The following CTNNA1 variants were observed in gnomAD, a reference collection of about 807,000 sequenced individuals.
CTNNA1 encodes catenin alpha-1.
CTNNA1 carries 37 observed loss-of-function variants against 98.4 expected under a neutral mutation model. That is an observed-to-expected ratio of 0.38 (90% CI 0.29 to 0.49). The LOEUF (loss-of-function observed/expected upper bound fraction) is 0.49. CTNNA1 is among the 20% of genes least tolerant of loss of function. The pLI is 0.95. For synonymous variants in CTNNA1, 404 were observed against 413.2 expected, an observed-to-expected ratio of 0.98 and a Z score of 0.27; for missense variants, 761 against 1,147.2, an observed-to-expected ratio of 0.66 and a Z score of 4.86.
intron 1 of CTNNA1, among the ~76,000 whole-genome samples, chr5:138,777,500 G>A (rs2149632649): frequency 6.6e-6 from 1 of 152,128 alleles, no homozygotes; most frequent in East Asian, 1.9e-4. Flanking sequence ...GGGAGGCCAA[G>A]GCAGGCGGCT....
At chr5:138,800,281 A>G (rs1199527874) in intron 3 of CTNNA1, among the ~76,000 whole-genome samples, 2 of 152,236 alleles carry the variant, frequency 1.3e-5, no homozygotes, top group African/African-American at 2.4e-5. Context: ...CAGGGCTGCT[A>G]TAAGAAAGGC....
At chr5:138,857,488 AT>A (rs199901766) in intron 7 of CTNNA1, among the ~76,000 whole-genome samples, 1 of 151,826 alleles carries the variant, frequency 6.6e-6, no homozygotes, top group Non-Finnish European at 1.5e-5. Flanking sequence ...AAAAAAAAAA[AT>A]TTTTTTAAAT....
At chr5:138,807,760 TA>T (rs1321358495) in intron 3 of CTNNA1, among the ~76,000 whole-genome samples, 3 of 152,096 alleles carry the variant, frequency 2.0e-5, no homozygotes, top group African/African-American at 7.2e-5. Context: ...TATATATATA[TA>T]TTTGAGATGG....
intron 9 of CTNNA1, among the ~76,000 whole-genome samples, chr5:138,900,539 C>T (rs904576217): frequency 9.2e-5 from 14 of 152,056 alleles, no homozygotes; most frequent in African/African-American, 3.1e-4. Flanking sequence ...AATCATAAAT[C>T]TATGTATAAT....
At chr5:138,835,455 A>G (rs1036575059) in intron 7 of CTNNA1, among the ~76,000 whole-genome samples, 16 of 152,292 alleles carry the variant, frequency 1.1e-4, no homozygotes, top group African/African-American at 3.6e-4. Flanking sequence ...AGTAGTCCAT[A>G]GTTCTGTAGA....
intron 1 of CTNNA1, among the ~76,000 whole-genome samples, chr5:138,756,384 C>CT (rs1440489644): frequency 3.3e-5 from 5 of 152,002 alleles, no homozygotes; most frequent in East Asian, 1.9e-4. Context: ...TGAGTCTGGT[C>CT]TTTAACTCCT....
chr5:138,865,927 T>C lies in CTNNA1; in HGVS notation c.1063-20285T>C, dbSNP rs568136643. On this transcript the variant is annotated intron_variant, in intron 7 of 17. Transcript: ENST00000302763. ...GTACTGAGCAGTTGCCCTCCATGTA[T>C]TTGACAGCGAGGCAATGGGAAATGT... Among the ~76,000 whole-genome samples the C allele has an allele frequency of 1.4e-4, 21 of 152,330 alleles. No homozygotes were observed. In the South Asian group the frequency reaches 4.3e-3, roughly 32 times the overall value.
chr5:138,897,139 T>C, intron 9 of CTNNA1, among the ~76,000 whole-genome samples: 1 of 152,130 alleles, frequency 6.6e-6, no homozygotes, highest in East Asian at 1.9e-4. Flanking sequence ...CCAAAATCCT[T>C]TCCCCTCAGC....
Position 138,878,439 on chromosome 5 carries a change from C to T in CTNNA1, c.1063-7773C>T, listed in dbSNP as rs114964347. Among the ~76,000 whole-genome samples, 375 of 152,316 alleles carry T rather than the reference C, an allele frequency of 2.5e-3. 1 individual carries two copies. Among genetic ancestry groups the T allele is most frequent in the African/African-American group, 7.7e-3 (320 of 41,568 alleles). ...GCAGCTTTTTTCCGCAAACATATGA[C>T]TTTGACTTAAAGTGGCAATACTACT... On this transcript the variant is annotated intron_variant, in intron 7 of 17. Coordinates refer to ENST00000302763, the MANE Select transcript of CTNNA1 (RefSeq NM_001903.5).
At chr5:138,779,014 G>C (rs1039148272) in intron 1 of CTNNA1, among the ~76,000 whole-genome samples, 4 of 151,990 alleles carry the variant, frequency 2.6e-5, no homozygotes, top group Admixed American at 2.0e-4. Context: ...GAGTAGCTGC[G>C]ATCACAAGCA....
intron 7 of CTNNA1, among the ~76,000 whole-genome samples, chr5:138,842,518 C>T (rs886487428): frequency 7.2e-5 from 11 of 152,180 alleles, no homozygotes; most frequent in Non-Finnish European, 1.2e-4. Context: ...AAAGGATCCT[C>T]TCACCTCCCT....
intron 7 of CTNNA1, among the ~76,000 whole-genome samples, chr5:138,858,353 C>T (rs973660748): frequency 3.9e-5 from 6 of 152,024 alleles, no homozygotes; most frequent in African/African-American, 1.4e-4. Flanking sequence ...TCTTGAACTC[C>T]TGGGCTCGAG....
chr5:138,889,785 T>C (rs1442377259), intron 9 of CTNNA1, among the ~76,000 whole-genome samples: 1 of 152,174 alleles, frequency 6.6e-6, no homozygotes, highest in Non-Finnish European at 1.5e-5. Flanking sequence ...CCATAGGCTT[T>C]GTAGTCCCAT....
intron 7 of CTNNA1, among the ~76,000 whole-genome samples, chr5:138,839,933 A>G (rs575518684): frequency 6.6e-6 from 1 of 152,366 alleles, no homozygotes; most frequent in African/African-American, 2.4e-5. Flanking sequence ...GATGCCATGG[A>G]TGATGAGCAG....
intron 1 of CTNNA1, among the ~76,000 whole-genome samples, chr5:138,772,813 TTCTTTCATTTTA>T: frequency 2.0e-5 from 3 of 150,470 alleles, no homozygotes; most frequent in South Asian, 2.1e-4. Context: ...AGAATTCAAC[TTCTTTCATTTTA>T]TAGATAGATG....
At chr5:138,833,771 C>CTTAAAACTGTAGTTTTAAGTA (rs1761508309) in intron 7 of CTNNA1, among the ~76,000 whole-genome samples, 1 of 152,162 alleles carries the variant, frequency 6.6e-6, no homozygotes, top group Non-Finnish European at 1.5e-5. Flanking sequence ...TCTTTTAATA[C>CTTAAAACTGTAGTTTTAAGTA]TTAAAACTGT....
intron 11 of CTNNA1, among the ~76,000 whole-genome samples, chr5:138,921,619 T>TTTTG (rs869301621): frequency 2.0e-4 from 30 of 148,396 alleles, no homozygotes; most frequent in Non-Finnish European, 4.2e-4. Flanking sequence ...TTTTTTTTTT[T>TTTTG]GAGATGGAGT....
At chr5:138,835,415 A>T (rs1051730158) in intron 7 of CTNNA1, among the ~76,000 whole-genome samples, 1 of 152,116 alleles carries the variant, frequency 6.6e-6, no homozygotes, top group African/African-American at 2.4e-5. Context: ...TGAACTCTTG[A>T]GTTTTCTGCA....
chr5:138,899,038 CTAAT>C (rs1561686349), intron 9 of CTNNA1, among the ~76,000 whole-genome samples: 1 of 152,014 alleles, frequency 6.6e-6, no homozygotes, highest in Non-Finnish European at 1.5e-5. Flanking sequence ...TCAAATCTGC[CTAAT>C]TATTTTTGAG....
Sources: allele counts gnomAD v4.1 joint callset (sites outside exome capture counted in the v4.1 genomes callset), GRCh38; gene constraint gnomAD v4.1.1; transcripts MANE v1.5; gene names NCBI Gene and HGNC (gene_info 2026-07-23, HGNC 2026-07-21).